The following RCC1L variants were observed in gnomAD, a reference collection of about 807,000 sequenced individuals.
RCC1L encodes the protein RCC1 like, also known as RCC1-like G exchanging factor-like protein.
A neutral mutation model predicts 58.6 loss-of-function variants in RCC1L; 46 were observed. That is an observed-to-expected ratio of 0.79 (90% confidence interval 0.62 to 1.00). The LOEUF (loss-of-function observed/expected upper bound fraction) is 1.00, where lower values mean the gene tolerates loss of function less well. Among genes scored for constraint, RCC1L ranks in the 50% least tolerant of loss-of-function variants. The probability of loss-of-function intolerance (pLI) is 0.00; values close to 1 mark genes in which losing one functional copy is unlikely to be tolerated. For missense variants in RCC1L, 636 were observed against 623.6 expected (o/e 1.02, Z -0.21); for synonymous variants, 281 against 262.9 (o/e 1.07, Z -0.67).
chr7:75,066,378 C>T (rs1409196273), intron 3 of RCC1L, among the ~76,000 whole-genome samples: 3 of 151,400 alleles, frequency 2.0e-5, no homozygotes, highest in African/African-American at 4.9e-5. Context: ...GGCGTGAACC[C>T]AGGAGGTGGA....
chr7:75,063,244 A>G (rs1554444663), intron 5 of RCC1L, 48 bp downstream of exon 5: 1 of 1,612,350 alleles, frequency 6.2e-7, no homozygotes, highest in Non-Finnish European at 8.5e-7. Context: ...CAACTTTTCA[A>G]AAGCACCCCA....
chr7:75,039,623 TG>T (rs1159239159), downstream of RCC1L, among the ~76,000 whole-genome samples: 4 of 151,794 alleles, frequency 2.6e-5, no homozygotes, highest in African/African-American at 9.7e-5. Context: ...CCGAGGGAGA[TG>T]GGGGGGAGGC....
intron 10 of RCC1L, among the ~76,000 whole-genome samples, chr7:75,052,261 C>G (rs1006888987): frequency 1.4e-4 from 21 of 152,190 alleles, no homozygotes; most frequent in Admixed American, 9.8e-4. Context: ...CAGCTTCTAG[C>G]GTGCCAACTT....
In RCC1L at chr7:75,061,269, C is replaced by T; in HGVS notation, c.725G>A (p.Ser242Asn). 3 of 1,613,764 alleles carry T rather than the reference C, an allele frequency of 1.9e-6. No individual in the cohort carries two copies. The highest frequency in any genetic ancestry group is 1.7e-4 in the Middle Eastern group (1 of 6,056). Residue 242 changes from serine (S) to asparagine (N), a missense_variant, in exon 6 of 11, where the codon AGT (serine) becomes AAT (asparagine). Ser to Asn is a conservative substitution (Grantham distance 46). Coordinates refer to ENST00000610322, the MANE Select transcript of RCC1L (RefSeq NM_030798.5). ...VVQVACGQDHSLFLTDKGEVY... is the reference protein window; with the variant it reads ...VVQVACGQDHNLFLTDKGEVY... ...TTCTCCTTTATCCGTCAGGAACAGA[C>T]TATGATCCTGACCACAGGCGACCTA... is the stretch of plus-strand genomic sequence containing the variant.
intron 10 of RCC1L, 114 bp downstream of exon 10, chr7:75,052,597 G>C (rs1805946464): frequency 1.0e-6 from 1 of 962,296 alleles, no homozygotes; most frequent in Non-Finnish European, 1.6e-6. Context: ...ACCCGGAAGG[G>C]GGAGCAGGTC....
At chr7:75,042,125 G>A (rs1805584849), downstream of RCC1L, 2 of 962,090 alleles carry the variant, frequency 2.1e-6, no homozygotes, top group African/African-American at 3.5e-5. Context: ...CAAAAGGCTT[G>A]TTTATAAAAG....
chr7:75,040,088 C>T (rs1398629369), downstream of RCC1L, among the ~76,000 whole-genome samples: 1 of 152,178 alleles, frequency 6.6e-6, no homozygotes, highest in Non-Finnish European at 1.5e-5. Flanking sequence ...CCTGGGCAGA[C>T]AGAGCCCAGC....
intron 6 of RCC1L, 45 bp downstream of exon 6, chr7:75,061,162 C>T (rs1040621341): frequency 7.6e-5 from 115 of 1,512,204 alleles, no homozygotes; most frequent in Non-Finnish European, 9.7e-5. Context: ...CCACATGACA[C>T]GGGCTGAGAA....
intron 4 of RCC1L, among the ~76,000 whole-genome samples, chr7:75,064,119 C>T (rs1186851914): frequency 2.0e-5 from 3 of 152,058 alleles, no homozygotes; most frequent in African/African-American, 7.2e-5. Context: ...ATCATGAGGT[C>T]AAGAGATGGA....
At chr7:75,031,040 C>T (rs1368275743) in intron 10 of RCC1L, among the ~76,000 whole-genome samples, 1 of 152,236 alleles carries the variant, frequency 6.6e-6, no homozygotes, top group Non-Finnish European at 1.5e-5. Context: ...CCTTCCACTG[C>T]CTCAGTTTAC....
Position 75,066,530 on chromosome 7 carries a change from C to G in RCC1L, c.583+134G>C, listed in dbSNP as rs1234594076. ...AGCTGTCTTGAGCAATCCCACTGAT[C>G]TGCTCAGGAAATACCACATTTCACT... On this transcript the variant is annotated intron_variant, in intron 3 of 10. Transcript: ENST00000610322. The G allele has an allele frequency of 2.6e-6, 3 of 1,159,038 alleles. No individual in the cohort carries two copies. The African/African-American group carries it at 4.8e-5, about 18-fold the overall frequency. The allele number at this position is 1,159,038 out of a possible 1,614,324, so 71.8% of individuals were successfully genotyped here.
intron 10 of RCC1L, among the ~76,000 whole-genome samples, chr7:75,031,003 A>G (rs1378510734): frequency 7.2e-5 from 11 of 152,238 alleles, no homozygotes; most frequent in Non-Finnish European, 1.6e-4. Context: ...TTCAGGTCCC[A>G]AGACAGGCCA....
chr7:75,057,646 G>GGAAA, intron 7 of RCC1L, 30 bp from the exon 8 acceptor site: 1 of 1,609,934 alleles, frequency 6.2e-7, no homozygotes, highest in Admixed American at 1.7e-5. Context: ...CACACTGTTA[G>GGAAA]GAAAGCAAGC....
chr7:75,039,866 A>T (rs1805513557), downstream of RCC1L, among the ~76,000 whole-genome samples: 1 of 152,152 alleles, frequency 6.6e-6, no homozygotes. Flanking sequence ...GAACACGATG[A>T]TCAAGCCTAG....
intron 9 of RCC1L, among the ~76,000 whole-genome samples, chr7:75,055,285 A>G (rs1315805380): frequency 6.6e-6 from 1 of 152,232 alleles, no homozygotes; most frequent in Non-Finnish European, 1.5e-5. Flanking sequence ...GATGTAACCA[A>G]GAAAAGGACA....
At chr7:75,064,839 C>T (rs182266210) in intron 3 of RCC1L, 191 bp from the exon 4 acceptor site, 112 of 658,458 alleles carry the variant, frequency 1.7e-4, no homozygotes, top group African/African-American at 1.6e-3. Flanking sequence ...AATCTAGACC[C>T]GCCTTCCCCT....
Position 75,064,613 on chromosome 7 carries a change from C to T in RCC1L, c.619G>A (p.Gly207Arg), listed in dbSNP as rs1554444842. 1.2e-6 allele frequency: 2 copies of T among 1,613,872 alleles called. No homozygotes were observed. Among genetic ancestry groups the T allele is most frequent in the African/African-American group, 1.3e-5 (1 of 75,020 alleles). Residue 207 changes from glycine (G) to arginine (R), a missense_variant, in exon 4 of 11, where the codon GGA becomes AGA. Transcript: ENST00000610322. ...SMGNNSYGQC[G>R]RKVVENEIYS... ...ATTTCATTTTCGACCACCTTTCTTCCACATTGCCCATAAGAATTGTTTCCC... is the reference window on the plus strand; with the variant it reads ...ATTTCATTTTCGACCACCTTTCTTCTACATTGCCCATAAGAATTGTTTCCC...
intron 2 of RCC1L, among the ~76,000 whole-genome samples, chr7:75,067,459 G>A (rs918380315): frequency 2.0e-5 from 3 of 151,670 alleles, no homozygotes; most frequent in Admixed American, 6.6e-5. Flanking sequence ...TGAAACCCCC[G>A]TCTCTACTAA....
intron 1 of RCC1L, among the ~76,000 whole-genome samples, chr7:75,073,143 C>T (rs953555567): frequency 2.1e-4 from 32 of 152,236 alleles, no homozygotes; most frequent in Non-Finnish European, 3.7e-4. Context: ...TGGGCCTCCC[C>T]TTCCTTCCCT....
Sources: allele counts gnomAD v4.1 joint callset (sites outside exome capture counted in the v4.1 genomes callset), GRCh38; gene constraint gnomAD v4.1.1; transcripts MANE v1.5; gene names NCBI Gene and HGNC (gene_info 2026-07-23, HGNC 2026-07-21).